Variants in DNAH12 observed in about 807,000 individuals in gnomAD.
The protein encoded by DNAH12 is axonemal beta dynein heavy chain 12.
In DNAH12, 285 loss-of-function variants were observed where a neutral mutation model predicts 371.5. That is an observed-to-expected ratio of 0.77 (90% CI 0.70 to 0.85). The LOEUF (loss-of-function observed/expected upper bound fraction) is 0.85, where lower values mean the gene tolerates loss of function less well. DNAH12 is among the 40% of genes least tolerant of loss of function. DNAH12 has a pLI of 0.00. For synonymous variants in DNAH12, 1,200 were observed against 1,213.0 expected (o/e 0.99, Z 0.22); for missense variants, 3,611 against 3,689.4 (o/e 0.98, Z 0.55).
intron 38 of DNAH12, among the ~76,000 whole-genome samples, chr3:57,414,505 C>A (rs934193737): frequency 1.3e-5 from 2 of 152,056 alleles, no homozygotes; most frequent in African/African-American, 2.4e-5. Flanking sequence ...AAGCATAGTA[C>A]CCAATAGGCA....
intron 58 of DNAH12, among the ~76,000 whole-genome samples, chr3:57,358,315 T>C (rs926706128): frequency 4.6e-5 from 7 of 152,158 alleles, no homozygotes; most frequent in Non-Finnish European, 7.4e-5. Flanking sequence ...GATGAGTATA[T>C]AAAGGAAGAG....
rs2062180099 is a variant in DNAH12 at position 57,334,584 on chromosome 3, C to CAT, written c.9857_9858dup (p.Glu3287MetfsTer25). 6.5e-7 allele frequency: 1 copy of CAT among 1,543,628 alleles called. No homozygotes were observed. Among genetic ancestry groups the CAT allele is most frequent in the African/African-American group, 1.4e-5 (1 of 72,610 alleles). On this transcript the variant is annotated frameshift_variant, in exon 62 of 74. Coordinates refer to ENST00000495027, the MANE Select transcript of DNAH12 (RefSeq NM_001366028.2). LOFTEE classifies it high-confidence loss of function. Reference sequence around the variant, plus strand: ...TTACTGTCATAGATTTCTCGCCATTCATATATATGTTCACAAAAATGTTGC... The same window carrying CAT: ...TTACTGTCATAGATTTCTCGCCATTCATATATATATGTTCACAAAAATGTTGC...
intron 11 of DNAH12, among the ~76,000 whole-genome samples, chr3:57,499,830 C>A (rs367594998): frequency 1.4e-5 from 2 of 146,068 alleles, no homozygotes; most frequent in Non-Finnish European, 3.0e-5. Context: ...AGAGTGAGAC[C>A]CTGTCTCAAA....
chr3:57,483,543 G>T, intron 12 of DNAH12, 32 bp from the exon 13 acceptor site: 1 of 1,521,700 alleles, frequency 6.6e-7, no homozygotes, highest in South Asian at 1.3e-5. Context: ...ATAGACTTAT[G>T]GCAATTAATG....
intron 55 of DNAH12, among the ~76,000 whole-genome samples, chr3:57,373,090 G>A (rs948390906): frequency 0.024 from 3,616 of 152,178 alleles, 69 homozygotes; most frequent in Admixed American, 0.035. Flanking sequence ...AAGCAAACAC[G>A]AGAGTCCTAA....
rs1454946400 is a variant in DNAH12, at chr3:57,384,875, G to A, written c.7814C>T (p.Ala2605Val). Reference protein sequence around the residue: ...KNECESDLAEAIPALEAALSA... With the variant: ...KNECESDLAEVIPALEAALSA... ...CAGAGCTGCTTCCAAGGCTGGAATC[G>A]CCTCAGCTAGGTCACTTTCACACTC... The change falls in exon 49 of 74, where the codon GCG becomes GTG. Residue 2605 changes from alanine to valine, a missense_variant. Physicochemically the swap from Ala to Val is moderately conservative, Grantham distance 64. Transcript: ENST00000495027. 4 of 152,114 alleles carry A rather than the reference G, an allele frequency of 2.6e-5. No homozygotes were observed. Among genetic ancestry groups the A allele is most frequent in the Non-Finnish European group, 5.9e-5 (4 of 68,012 alleles). The allele number at this position is 152,114 out of a possible 1,614,324, so 9.4% of individuals were successfully genotyped here. A position where few individuals can be genotyped will look rare whatever the true frequency, so the allele number is the denominator to read the frequency against.
At chr3:57,295,398 TTAA>T (rs1413816247) in intron 73 of DNAH12, 124 bp downstream of exon 73, 2 of 631,954 alleles carry the variant, frequency 3.2e-6, no homozygotes, top group East Asian at 6.0e-5. Flanking sequence ...AAATGTTCTA[TTAA>T]TGTTTATTAT....
rs1166815162 is a variant in DNAH12 at position 57,507,821 on chromosome 3, T to A, written c.719A>T (p.Asp240Val). 8 of 1,584,736 alleles carry A rather than the reference T, an allele frequency of 5.0e-6. No individual in the cohort carries two copies. The highest frequency in any genetic ancestry group is 5.1e-6 in the Non-Finnish European group (6 of 1,173,654). The change falls in exon 8 of 74, where the codon GAC becomes GTC. Residue 240 changes from aspartate (D) to valine (V), a missense_variant. Asp to Val is a radical substitution (Grantham distance 152). Coordinates refer to ENST00000495027, the MANE Select transcript of DNAH12 (RefSeq NM_001366028.2). ...FTGIRAKGPIDCESLKTDLSI... is the reference protein window; with the variant it reads ...FTGIRAKGPIVCESLKTDLSI... ...TAGATCAGTTTTCAGTGATTCACAGTCAATTGGACCTTTAGCTCTATTTAT... is the reference window on the plus strand; with the variant it reads ...TAGATCAGTTTTCAGTGATTCACAGACAATTGGACCTTTAGCTCTATTTAT...
chr3:57,316,343 C>T (rs959656840), intron 65 of DNAH12, among the ~76,000 whole-genome samples: 2 of 152,128 alleles, frequency 1.3e-5, no homozygotes, highest in African/African-American at 2.4e-5. Flanking sequence ...CCTTCCCATT[C>T]TTATTTCCTA....
At chr3:57,520,297 G>A (rs2068370636) in intron 4 of DNAH12, among the ~76,000 whole-genome samples, 1 of 151,850 alleles carries the variant, frequency 6.6e-6, no homozygotes, top group South Asian at 2.1e-4. Flanking sequence ...TTTTAGTAGC[G>A]ACGGTTTCAC....
chr3:57,334,346 G>A, intron 62 of DNAH12, 119 bp downstream of exon 62: 1 of 1,117,678 alleles, frequency 8.9e-7, no homozygotes, highest in South Asian at 2.2e-5. Context: ...AGAGCTCAAT[G>A]AACTGTAAGC....
chr3:57,480,938 C>A (rs1381218165), intron 13 of DNAH12, among the ~76,000 whole-genome samples: 2 of 152,108 alleles, frequency 1.3e-5, no homozygotes, highest in Non-Finnish European at 2.9e-5. Context: ...TAAGAGCTAT[C>A]TATGACAAAC....
chr3:57,509,062 A>G, intron 6 of DNAH12, 78 bp downstream of exon 6: 1 of 1,235,462 alleles, frequency 8.1e-7, no homozygotes, highest in Non-Finnish European at 1.2e-6. Flanking sequence ...ACAATTGTAT[A>G]CTTGAAGGTA....
intron 62 of DNAH12, among the ~76,000 whole-genome samples, chr3:57,330,591 A>G (rs1341332345): frequency 6.7e-6 from 1 of 149,878 alleles, no homozygotes; most frequent in Non-Finnish European, 1.5e-5. Flanking sequence ...GAAGGATAGC[A>G]TTGGGAGATA....
At chr3:57,408,632 C>T (rs1325800794) in intron 39 of DNAH12, 97 bp from the exon 40 acceptor site, 2 of 1,342,420 alleles carry the variant, frequency 1.5e-6, no homozygotes, top group Admixed American at 7.1e-5. Context: ...CAGATTTTAG[C>T]TTCTCTAAAA....
At chr3:57,353,380 C>T (rs2062727027) in intron 59 of DNAH12, among the ~76,000 whole-genome samples, 2 of 152,028 alleles carry the variant, frequency 1.3e-5, no homozygotes, top group South Asian at 2.1e-4. Flanking sequence ...ACAACCTCTA[C>T]CTCCTGGGCT....
At chr3:57,492,837 T>C (rs1325105199) in intron 11 of DNAH12, among the ~76,000 whole-genome samples, 1 of 152,036 alleles carries the variant, frequency 6.6e-6, no homozygotes, top group African/African-American at 2.4e-5. Flanking sequence ...AAACCCTGTC[T>C]CTACTAAAAA....
intron 11 of DNAH12, chr3:57,498,423 C>A: frequency 1.4e-6 from 1 of 702,248 alleles, no homozygotes; most frequent in Non-Finnish European, 2.6e-6. Context: ...CTCCAGTAAT[C>A]CTTTCACCTC....
At chr3:57,365,382 C>T (rs2063027563) in intron 57 of DNAH12, among the ~76,000 whole-genome samples, 1 of 152,210 alleles carries the variant, frequency 6.6e-6, no homozygotes, top group East Asian at 1.9e-4. Flanking sequence ...ACCACATGTT[C>T]TCACTTATAA....
Sources: allele counts gnomAD v4.1 joint callset (sites outside exome capture counted in the v4.1 genomes callset), GRCh38; gene constraint gnomAD v4.1.1; transcripts MANE v1.5; gene names NCBI Gene and HGNC (gene_info 2026-07-23, HGNC 2026-07-21).